The following GPSM1 variants were observed in gnomAD, a reference collection of about 807,000 sequenced individuals.
The protein encoded by GPSM1 is G protein-signaling modulator 1.
Under a neutral mutation model 70.5 loss-of-function variants are expected in GPSM1, and 48 were observed. The ratio of observed to expected loss-of-function variants is 0.68; its 90% CI spans 0.54 to 0.87. GPSM1 has a LOEUF of 0.87. GPSM1 is among the 40% of genes least tolerant of loss of function. The pLI, the probability that GPSM1 is intolerant of heterozygous loss-of-function variation, is 0.00. For missense variants in GPSM1, 981 were observed against 972.6 expected (o/e 1.01, Z -0.11); for synonymous variants, 416 against 430.1 (o/e 0.97, Z 0.41).
At position 136,342,882 on chromosome 9, in the gene GPSM1, T is replaced by C. The variant is rs1832428839; in HGVS notation, c.1207+1889T>C. Reference sequence around the variant, plus strand: ...CAGGGAGGAGGAAGTCGTCTGGAGGTGGGGCTTCAGCCCGGCGGGGACGCG... The same window carrying C: ...CAGGGAGGAGGAAGTCGTCTGGAGGCGGGGCTTCAGCCCGGCGGGGACGCG... On this transcript the variant is annotated intron_variant, in intron 9 of 13. Transcript: ENST00000440944. The surrounding 1 kb of genome is among the most constrained non-coding windows in gnomAD (Gnocchi z 5.5). 7.2e-6 allele frequency among the ~76,000 whole-genome samples: 1 copy of C among 138,974 alleles called. No individual in the cohort carries two copies. The highest frequency in any genetic ancestry group is 1.6e-5 in the Non-Finnish European group (1 of 62,770). The allele number at this position is 138,974 out of a possible 152,430, so 91.2% of individuals were successfully genotyped here.
chr9:136,338,842 C>G (rs781966194), intron 7 of GPSM1, 132 bp downstream of exon 7: 24 of 942,886 alleles, frequency 2.5e-5, no homozygotes, highest in Non-Finnish European at 3.3e-5. Flanking sequence ...AGTGGCAACG[C>G]CACTGTGGGG....
At position 136,343,697 on chromosome 9, in the gene GPSM1, G is replaced by A. The variant is rs370070258; in HGVS notation, c.1207+2704G>A. Reference sequence around the variant, plus strand: ...GCCTCAGTGTCCCCATCTGGGGAACGGGCCCATCAGTAGTGCTGGGAACAG... The same window carrying A: ...GCCTCAGTGTCCCCATCTGGGGAACAGGCCCATCAGTAGTGCTGGGAACAG... On this transcript the variant is annotated intron_variant, in intron 9 of 13. Coordinates refer to ENST00000440944, the MANE Select transcript of GPSM1 (RefSeq NM_001145638.3). The surrounding 1 kb of genome is among the most constrained non-coding windows in gnomAD (Gnocchi z 6.0). Among the ~76,000 whole-genome samples the A allele has an allele frequency of 1.3e-5, 2 of 152,224 alleles. No homozygotes were observed. The highest frequency in any genetic ancestry group is 2.9e-5 in the Non-Finnish European group (2 of 68,036).
intron 1 of GPSM1, among the ~76,000 whole-genome samples, chr9:136,330,611 C>T (rs1427729559): frequency 6.6e-6 from 1 of 152,180 alleles, no homozygotes; most frequent in East Asian, 1.9e-4. Flanking sequence ...CTGGGGGTGT[C>T]TGGCTGGGGG....
chr9:136,327,678 C>T lies in GPSM1; in HGVS notation c.-18C>T. On this transcript the variant is annotated 5_prime_UTR_variant, in exon 1 of 14. Coordinates refer to ENST00000440944, the MANE Select transcript of GPSM1 (RefSeq NM_001145638.3). ...GCGCGGGGGGCGCTCCCGGCTCCCG[C>T]TCCCGCGTCCCCGACCCATGGCGGG... The T allele has an allele frequency of 9.4e-7, 1 of 1,061,822 alleles. No individual in the cohort carries two copies. The highest frequency in any genetic ancestry group is 1.2e-6 in the Non-Finnish European group (1 of 869,498). The allele number at this position is 1,061,822 out of a possible 1,614,324, so 65.8% of individuals were successfully genotyped here.
At position 136,336,044 on chromosome 9, in the gene GPSM1, C is replaced by T. The variant is rs781952178; in HGVS notation, c.369C>T (p.Asp123=). ...CACTCAAGGTCCTGGGGCGCTTCGA[C>T]GAGGCTGCCGTCTGCTGCCAGCGGC... ...GNTLKVLGRF[D]EAAVCCQRHL... The change falls in exon 3 of 14, where the codon GAC becomes GAT. Residue 123 remains aspartate, a synonymous_variant. Transcript: ENST00000440944. The T allele has an allele frequency of 2.0e-5, 32 of 1,612,248 alleles. No individual in the cohort carries two copies. The highest frequency in any genetic ancestry group is 3.3e-5 in the Admixed American group (2 of 59,956).
intron 1 of GPSM1, among the ~76,000 whole-genome samples, chr9:136,332,957 C>T (rs986810256): frequency 6.6e-6 from 1 of 151,802 alleles, no homozygotes; most frequent in Admixed American, 6.6e-5. Flanking sequence ...TGTAGTGAGC[C>T]GAGATCGCAC....
chr9:136,358,357 G>A lies in GPSM1; in HGVS notation c.*137G>A, dbSNP rs782589929. On this transcript the variant is annotated 3_prime_UTR_variant, in exon 14 of 14. Transcript: ENST00000440944. ...CCCCACGGCCTCCCCGACCCAGGGC[G>A]ACAGGCTCAGGCCAAGCTGCCCGTG... The A allele has an allele frequency of 3.3e-5, 27 of 825,256 alleles. No individual in the cohort carries two copies. The highest frequency in any genetic ancestry group is 5.6e-5 in the Admixed American group (2 of 35,420). The allele number at this position is 825,256 out of a possible 1,614,324, so 51.1% of individuals were successfully genotyped here. A position where few individuals can be genotyped will look rare whatever the true frequency, so the allele number is the denominator to read the frequency against.
At chr9:136,335,622 A>G (rs1554769093) in intron 2 of GPSM1, among the ~76,000 whole-genome samples, 2 of 151,538 alleles carry the variant, frequency 1.3e-5, no homozygotes, top group Non-Finnish European at 2.9e-5. Flanking sequence ...CAGGCCCCCC[A>G]AGTCCTCCCC....
chr9:136,327,675 C>T lies in GPSM1; in HGVS notation c.-21C>T, dbSNP rs1832002179. ...ACGGCGCGGGGGGCGCTCCCGGCTC[C>T]CGCTCCCGCGTCCCCGACCCATGGC... On this transcript the variant is annotated 5_prime_UTR_variant, in exon 1 of 14. Coordinates refer to ENST00000440944, the MANE Select transcript of GPSM1 (RefSeq NM_001145638.3). The T allele has an allele frequency of 2.9e-6, 3 of 1,042,248 alleles. No individual in the cohort carries two copies. The highest frequency in any genetic ancestry group is 3.5e-6 in the Non-Finnish European group (3 of 853,328). 64.6% of individuals were successfully genotyped at this position (1,042,248 alleles called of 1,614,324 possible). A position where few individuals can be genotyped will look rare whatever the true frequency, so the allele number is the denominator to read the frequency against.
chr9:136,353,579 G>A (rs553018827), intron 11 of GPSM1, among the ~76,000 whole-genome samples: 1 of 152,218 alleles, frequency 6.6e-6, no homozygotes, highest in Non-Finnish European at 1.5e-5. Flanking sequence ...GGAGGCATCA[G>A]CCCCTCAACA....
Position 136,358,654 on chromosome 9 carries a change from C to T in GPSM1, c.*434C>T. 8 of 242,996 alleles carry T rather than the reference C, an allele frequency of 3.3e-5. No individual in the cohort carries two copies. Among genetic ancestry groups the T allele is most frequent in the East Asian group, 1.5e-4 (1 of 6,772 alleles). 15.1% of individuals were successfully genotyped at this position (242,996 alleles called of 1,614,324 possible). On this transcript the variant is annotated 3_prime_UTR_variant, in exon 14 of 14. Transcript: ENST00000440944. ...CATGTTCTGTCCCCCCAGAGCTGGT[C>T]TTGGGATGGCCGTGTGACAGGCATG...
rs563038781 is a variant in GPSM1, at chr9:136,334,343, C to T, written c.69-104C>T. The T allele has an allele frequency of 1.8e-5, 14 of 757,144 alleles. No individual in the cohort carries two copies. The African/African-American group carries it at 2.2e-4, about 12-fold the overall frequency. The allele number at this position is 757,144 out of a possible 1,614,324, so 46.9% of individuals were successfully genotyped here. A position where few individuals can be genotyped will look rare whatever the true frequency, so the allele number is the denominator to read the frequency against. ...CTGTGAGCACAGATGTGGTGTGTGC[C>T]CTAGCCCACCCAGGGGCGTCGTCTG... On this transcript the variant is annotated intron_variant, in intron 1 of 13. Transcript: ENST00000440944.
intron 11 of GPSM1, among the ~76,000 whole-genome samples, chr9:136,351,001 G>A (rs910346366): frequency 5.9e-5 from 9 of 152,330 alleles, no homozygotes; most frequent in South Asian, 2.1e-4. Flanking sequence ...CAGGGGCACC[G>A]ATGGGCCGAG....
Position 136,357,910 on chromosome 9 carries a change from G to A in GPSM1, c.1822-104G>A, listed in dbSNP as rs972732113. 5.4e-5 allele frequency: 45 copies of A among 828,224 alleles called. No individual in the cohort carries two copies. In the African/African-American group the frequency reaches 7.4e-4, roughly 14 times the overall value. 51.3% of individuals were successfully genotyped at this position (828,224 alleles called of 1,614,324 possible). A position where few individuals can be genotyped will look rare whatever the true frequency, so the allele number is the denominator to read the frequency against. On this transcript the variant is annotated intron_variant, in intron 13 of 13. Transcript: ENST00000440944. ...CAATTTCCTGGGTGGACAGGGGGAAGCCCGTGAACAGTGCACGCTGGCCTC... is the reference window on the plus strand; with the variant it reads ...CAATTTCCTGGGTGGACAGGGGGAAACCCGTGAACAGTGCACGCTGGCCTC...
chr9:136,344,243 G>T (rs1235612228), intron 9 of GPSM1, among the ~76,000 whole-genome samples: 1 of 149,438 alleles, frequency 6.7e-6, no homozygotes, highest in Admixed American at 6.6e-5. Context: ...GGGGTGGGGC[G>T]CAGACAGGAG....
Position 136,337,426 on chromosome 9 carries a change from G to A in GPSM1, c.579-15G>A. On this transcript the variant is annotated splice_polypyrimidine_tract_variant and intron_variant, in intron 4 of 13. Coordinates refer to ENST00000440944, the MANE Select transcript of GPSM1 (RefSeq NM_001145638.3). Reference sequence around the variant, plus strand: ...GGGCTGGGAGGGACACGGCTCAGAGGCACTCGGCCCCCAGGAGGAACCTGT... The same window carrying A: ...GGGCTGGGAGGGACACGGCTCAGAGACACTCGGCCCCCAGGAGGAACCTGT... 1.9e-6 allele frequency: 3 copies of A among 1,567,656 alleles called. No homozygotes were observed. The highest frequency in any genetic ancestry group is 2.6e-6 in the Non-Finnish European group (3 of 1,156,348).
At position 136,349,774 on chromosome 9, in the gene GPSM1, T is replaced by C; in HGVS notation, c.1455+11T>C. On this transcript the variant is annotated intron_variant, in intron 11 of 13. Transcript: ENST00000440944. ...CACGTGCCACGCACGGTAGGCGTCT[T>C]TGACGGCAGATCCAGGCCGAGAGGG... The C allele has an allele frequency of 6.4e-7, 1 of 1,561,846 alleles. No individual in the cohort carries two copies. The highest frequency in any genetic ancestry group is 1.2e-5 in the South Asian group (1 of 84,846).
At chr9:136,337,372 C>G (rs562442859) in intron 4 of GPSM1, 69 bp from the exon 5 acceptor site, 2 of 1,542,682 alleles carry the variant, frequency 1.3e-6, no homozygotes, top group Non-Finnish European at 1.8e-6. Context: ...CGCTACTCAG[C>G]TCTTCTAGCC....
intron 9 of GPSM1, 97 bp from the exon 10 acceptor site, chr9:136,348,600 G>A: frequency 2.3e-6 from 2 of 858,780 alleles, no homozygotes; most frequent in Non-Finnish European, 3.6e-6. Context: ...GAAAGCCATG[G>A]CCGGGCTGGT....
Sources: allele counts gnomAD v4.1 joint callset (sites outside exome capture counted in the v4.1 genomes callset), GRCh38; gene constraint gnomAD v4.1.1; non-coding constraint Gnocchi (gnomAD v3.1); transcripts MANE v1.5; gene names NCBI Gene and HGNC (gene_info 2026-07-23, HGNC 2026-07-21).